Variants in MAST4 observed in about 807,000 individuals in gnomAD.
MAST4 encodes microtubule associated serine/threonine kinase family member 4, also known as microtubule-associated serine/threonine-protein kinase 4.
A neutral mutation model predicts 162.7 loss-of-function variants in MAST4; 89 were observed. That is an observed-to-expected ratio of 0.55 (90% confidence interval 0.46 to 0.65). The LOEUF (loss-of-function observed/expected upper bound fraction) is 0.65. MAST4 is among the 30% of genes least tolerant of loss of function. The probability of loss-of-function intolerance (pLI) is 0.00; values close to 1 mark genes in which losing one functional copy is unlikely to be tolerated. For synonymous variants in MAST4, 1,479 were observed against 1,361.1 expected (o/e 1.09, Z -1.91); for missense variants, 3,153 against 3,374.0 (o/e 0.93, Z 1.62).
chr5:67,059,010 G>T (rs1047344927), intron 5 of MAST4, among the ~76,000 whole-genome samples: 1 of 152,206 alleles, frequency 6.6e-6, no homozygotes, highest in Non-Finnish European at 1.5e-5. Flanking sequence ...TCTGCTCAGG[G>T]TATTATGAGG....
chr5:66,803,310 T>C (rs1247489070), intron 3 of MAST4, among the ~76,000 whole-genome samples: 2 of 152,224 alleles, frequency 1.3e-5, no homozygotes, highest in African/African-American at 4.8e-5. Context: ...CAAGCCTAAA[T>C]AACTAGTCAA....
At chr5:66,707,041 T>A (rs1437951737) in intron 1 of MAST4, among the ~76,000 whole-genome samples, 1 of 152,172 alleles carries the variant, frequency 6.6e-6, no homozygotes, top group Non-Finnish European at 1.5e-5. Context: ...GTCTTGGACA[T>A]TCAGGGTGTG....
chr5:66,705,836 A>G lies in MAST4; in HGVS notation c.364-53873A>G, dbSNP rs533180376. On this transcript the variant is annotated intron_variant, in intron 1 of 28. Transcript: ENST00000403625. ...TAGCTAGCACTTTTGAATACTTGCT[A>G]TATGTTAGGCAGTGTTTGATGGTAT... Among the ~76,000 whole-genome samples the G allele has an allele frequency of 9.8e-5, 15 of 152,292 alleles. No homozygotes were observed. In the South Asian group the frequency reaches 1.2e-3, roughly 13 times the overall value.
At chr5:67,060,541 G>A (rs963256211) in intron 5 of MAST4, among the ~76,000 whole-genome samples, 5 of 148,312 alleles carry the variant, frequency 3.4e-5, no homozygotes, top group African/African-American at 5.0e-5. Context: ...GCAGTGGAGC[G>A]ATCTCCGCTC....
At chr5:66,708,704 G>C (rs1750303366) in intron 1 of MAST4, among the ~76,000 whole-genome samples, 1 of 152,108 alleles carries the variant, frequency 6.6e-6, no homozygotes, top group African/African-American at 2.4e-5. Context: ...GTTTTAGATG[G>C]GCAGGCTGTT....
At chr5:66,966,682 C>T (rs535279518) in intron 4 of MAST4, among the ~76,000 whole-genome samples, 1 of 152,278 alleles carries the variant, frequency 6.6e-6, no homozygotes, top group Non-Finnish European at 1.5e-5. Context: ...CTGACTGTAT[C>T]TAACAATAGG....
At chr5:66,769,293 T>C (rs1754254715) in intron 2 of MAST4, among the ~76,000 whole-genome samples, 1 of 152,050 alleles carries the variant, frequency 6.6e-6, no homozygotes. Context: ...TGGTGTGATA[T>C]TTCTGGGGCT....
At chr5:66,843,669 T>C (rs1218171783) in intron 3 of MAST4, among the ~76,000 whole-genome samples, 2 of 152,174 alleles carry the variant, frequency 1.3e-5, no homozygotes, top group African/African-American at 4.8e-5. Context: ...ATGGTTTGAA[T>C]TGAGTCACTT....
intron 8 of MAST4, 88 bp downstream of exon 8, chr5:67,100,680 T>C (rs1764931555): frequency 2.0e-6 from 3 of 1,492,254 alleles, no homozygotes; most frequent in South Asian, 2.4e-5. Context: ...TTAGGTCATA[T>C]GTGTGTTAAC....
At chr5:66,765,249 CAT>C (rs1174874511) in intron 2 of MAST4, among the ~76,000 whole-genome samples, 2 of 152,134 alleles carry the variant, frequency 1.3e-5, no homozygotes, top group Non-Finnish European at 2.9e-5. Flanking sequence ...CTAAGCAATG[CAT>C]GACTGTATAT....
chr5:66,907,309 G>A (rs903995288), intron 4 of MAST4, among the ~76,000 whole-genome samples: 2 of 149,844 alleles, frequency 1.3e-5, no homozygotes, highest in Non-Finnish European at 2.9e-5. Context: ...CAAACTTCCC[G>A]AGGCTTTACC....
chr5:66,703,503 A>T (rs767286418), intron 1 of MAST4, among the ~76,000 whole-genome samples: 62 of 152,334 alleles, frequency 4.1e-4, no homozygotes, highest in Non-Finnish European at 7.1e-4. Context: ...CTTTCTCTCC[A>T]GAGCCAGTGA....
rs1761895199 is a variant in MAST4, at chr5:67,078,094, T to C, written c.764-12068T>C. On this transcript the variant is annotated intron_variant, in intron 5 of 28. Transcript: ENST00000403625. The stretch of plus-strand genomic sequence containing the variant: ...AGCCTGGGCAACGAGGGCAAAACTC[T>C]TCTCTCAAAAATAAATAAATAAATA... Among the ~76,000 whole-genome samples, 2 of 152,126 alleles carry C rather than the reference T, an allele frequency of 1.3e-5. 1 individual carries two copies. The highest frequency in any genetic ancestry group is 2.9e-5 in the Non-Finnish European group (2 of 67,982).
chr5:66,906,114 G>A (rs554373038), intron 4 of MAST4, among the ~76,000 whole-genome samples: 4 of 152,280 alleles, frequency 2.6e-5, no homozygotes, highest in Non-Finnish European at 4.4e-5. Context: ...GTCATGTGAT[G>A]CTACACTAGA....
chr5:67,061,820 CAAA>C (rs113115367), intron 5 of MAST4, among the ~76,000 whole-genome samples: 10 of 94,294 alleles, frequency 1.1e-4, no homozygotes, highest in Admixed American at 1.1e-4. Flanking sequence ...AGTTCTTGGG[CAAA>C]AAAAAAAAAA....
At chr5:67,005,099 G>C (rs916246323) in intron 4 of MAST4, 8 of 747,294 alleles carry the variant, frequency 1.1e-5, no homozygotes, top group Middle Eastern at 2.3e-4. Context: ...AAAACGCGGG[G>C]ATCTCTGCCT....
intron 1 of MAST4, among the ~76,000 whole-genome samples, chr5:66,618,728 C>T (rs1270613100): frequency 6.6e-6 from 1 of 152,186 alleles, no homozygotes; most frequent in African/African-American, 2.4e-5. Flanking sequence ...AAAAGTGTTA[C>T]TCCCATTAGG....
At chr5:67,101,461 G>T (rs907209079) in intron 8 of MAST4, among the ~76,000 whole-genome samples, 2 of 152,184 alleles carry the variant, frequency 1.3e-5, no homozygotes, top group Non-Finnish European at 2.9e-5. Context: ...GGTTTCTGTG[G>T]ATAGCACTCC....
chr5:66,834,788 A>C (rs1757848761), intron 3 of MAST4, among the ~76,000 whole-genome samples: 1 of 152,168 alleles, frequency 6.6e-6, no homozygotes, highest in Non-Finnish European at 1.5e-5. Flanking sequence ...CTCATGGGAA[A>C]ATGTTAGTTC....
Sources: gnomAD v4.1 joint callset for allele counts (sites outside exome capture counted in the v4.1 genomes callset) on GRCh38, gnomAD v4.1.1 for gene constraint, MANE v1.5 for transcripts, NCBI Gene and HGNC (gene_info 2026-07-23, HGNC 2026-07-21) for gene names.